The following KIF1A variants were observed in gnomAD, a reference collection of about 807,000 sequenced individuals.
KIF1A encodes the protein kinesin-like protein KIF1A.
A neutral mutation model predicts 227.3 loss-of-function variants in KIF1A; 46 were observed. That is an observed-to-expected ratio of 0.20 (90% CI 0.16 to 0.26). KIF1A has a LOEUF of 0.26. KIF1A is among the 10% of genes least tolerant of loss of function. The pLI is 1.00. For missense variants in KIF1A, 1,683 were observed against 2,485.9 expected, an observed-to-expected ratio of 0.68 and a Z score of 6.87; for synonymous variants, 1,022 against 1,012.8, an observed-to-expected ratio of 1.01 and a Z score of -0.17.
Position 240,740,463 on chromosome 2 carries a change from C to T in KIF1A, c.3750-99G>A. On this transcript the variant is annotated intron_variant, in intron 35 of 48. Coordinates refer to ENST00000498729, the MANE Select transcript of KIF1A (RefSeq NM_001244008.2). The surrounding 1 kb of genome is among the most constrained non-coding windows in gnomAD (Gnocchi z 6.1). ...GACGGGAGCAAAAACAGGGAAAAGT[C>T]AGCAGCTCCCTCTGGTGAAGATCAG... is the stretch of plus-strand genomic sequence containing the variant. 4.2e-6 allele frequency: 4 copies of T among 952,148 alleles called. No individual in the cohort carries two copies. In the South Asian group the frequency reaches 5.7e-5, roughly 14 times the overall value. The allele number at this position is 952,148 out of a possible 1,614,324, so 59.0% of individuals were successfully genotyped here.
At chr2:240,779,132 TCAGTTCCTCACAGTTCCACA>T (rs2053194304) in intron 10 of KIF1A, among the ~76,000 whole-genome samples, 1 of 142,560 alleles carries the variant, frequency 7.0e-6, no homozygotes, top group African/African-American at 2.8e-5. Context: ...AGTTCCACAC[TCAGTTCCTCACAGTTCCACA>T]CAGTTCCACA....
intron 46 of KIF1A, among the ~76,000 whole-genome samples, chr2:240,719,529 G>A (rs2045014834): frequency 6.6e-6 from 1 of 152,224 alleles, no homozygotes; most frequent in Non-Finnish European, 1.5e-5. Context: ...ACTCCCCTGT[G>A]CTCTGTGCTG....
At position 240,726,791 on chromosome 2, in the gene KIF1A, G is replaced by A. The variant is rs759997135; in HGVS notation, c.4122+35C>T. ...GAACCTCAAGCTTCAGGGGCTGAGT[G>A]GTTTTGGTGGAGTGCCCTGGCATAG... On this transcript the variant is annotated intron_variant, in intron 39 of 48. Coordinates refer to ENST00000498729, the MANE Select transcript of KIF1A (RefSeq NM_001244008.2). The surrounding 1 kb of genome is among the most constrained non-coding windows in gnomAD (Gnocchi z 5.2). 9 of 1,300,154 alleles carry A rather than the reference G, an allele frequency of 6.9e-6. No homozygotes were observed. In the East Asian group the frequency reaches 2.1e-4, roughly 31 times the overall value. The allele number at this position is 1,300,154 out of a possible 1,614,324, so 80.5% of individuals were successfully genotyped here.
chr2:240,721,997 A>G, intron 43 of KIF1A, 113 bp from the exon 44 acceptor site: 1 of 813,664 alleles, frequency 1.2e-6, no homozygotes, highest in East Asian at 2.7e-5. Context: ...TTCCGACGCC[A>G]GAGCACAGTG....
chr2:240,781,776 A>G (rs1019497951), intron 10 of KIF1A: 1 of 984,938 alleles, frequency 1.0e-6, no homozygotes, highest in Non-Finnish European at 1.2e-6. Context: ...AGGGGCCCTC[A>G]GCTTCCTCGC....
At chr2:240,785,423 G>A (rs942812453) in intron 6 of KIF1A, among the ~76,000 whole-genome samples, 1 of 152,246 alleles carries the variant, frequency 6.6e-6, no homozygotes, top group African/African-American at 2.4e-5. Flanking sequence ...GCCATGATAT[G>A]GGAGGGGAAG....
intron 1 of KIF1A, among the ~76,000 whole-genome samples, chr2:240,809,833 C>T (rs2057720962): frequency 6.6e-6 from 1 of 151,328 alleles, no homozygotes; most frequent in Admixed American, 6.6e-5. Context: ...ACATGTATAC[C>T]TTTGTAACAA....
Position 240,797,023 on chromosome 2 carries a change from T to G in KIF1A, c.106+624A>C, listed in dbSNP as rs2056477486. ...ACCAGGTGGCTGTTCATGTCACCACTCAGTGCAGCTGACACCACTTGATCC... is the reference window on the plus strand; with the variant it reads ...ACCAGGTGGCTGTTCATGTCACCACGCAGTGCAGCTGACACCACTTGATCC... On this transcript the variant is annotated intron_variant, in intron 2 of 48. Coordinates refer to ENST00000498729, the MANE Select transcript of KIF1A (RefSeq NM_001244008.2). 2.0e-5 allele frequency among the ~76,000 whole-genome samples: 3 copies of G among 152,186 alleles called. No homozygotes were observed. In the South Asian group the frequency reaches 6.2e-4, roughly 32 times the overall value.
intron 10 of KIF1A, among the ~76,000 whole-genome samples, chr2:240,777,280 G>C (rs182861072): frequency 6.6e-6 from 1 of 152,168 alleles, no homozygotes; most frequent in Non-Finnish European, 1.5e-5. Flanking sequence ...TCTTGACCTC[G>C]TGATCCACCC....
At chr2:240,722,290 G>A (rs1223136320) in intron 43 of KIF1A, among the ~76,000 whole-genome samples, 166 bp downstream of exon 43, 5 of 152,194 alleles carry the variant, frequency 3.3e-5, no homozygotes, top group Non-Finnish European at 2.9e-5. Context: ...CAGGTGGGGT[G>A]CAGTCAGTGG....
chr2:240,797,788 G>A lies in KIF1A; in HGVS notation c.-36C>T. 7.3e-7 allele frequency: 1 copy of A among 1,376,102 alleles called. No individual in the cohort carries two copies. The highest frequency in any genetic ancestry group is 1.0e-6 in the Non-Finnish European group (1 of 977,196). 85.2% of individuals were successfully genotyped at this position (1,376,102 alleles called of 1,614,324 possible). ...TTCGTGGGTCACTCCTCGCAGTAGT[G>A]GGAGCCCCAGTGTGGGGGGAACACC... On this transcript the variant is annotated 5_prime_UTR_variant, in exon 2 of 49. Transcript: ENST00000498729.
intron 28 of KIF1A, among the ~76,000 whole-genome samples, chr2:240,748,398 C>T (rs953289625): frequency 1.6e-4 from 24 of 152,180 alleles, no homozygotes; most frequent in African/African-American, 5.3e-4. Flanking sequence ...CAGACCAGGA[C>T]GGCAGCTGCC....
intron 1 of KIF1A, among the ~76,000 whole-genome samples, chr2:240,813,313 C>T (rs921820115): frequency 2.6e-5 from 4 of 152,238 alleles, no homozygotes; most frequent in Non-Finnish European, 4.4e-5. Flanking sequence ...CCACACAGCC[C>T]CCAACTGCAA....
chr2:240,727,008 T>G, intron 38 of KIF1A, 68 bp from the exon 39 acceptor site: 1 of 913,314 alleles, frequency 1.1e-6, no homozygotes, highest in South Asian at 1.6e-5. Context: ...GCCGGGGACA[T>G]GCAGACAGAC....
chr2:240,751,601 C>T (rs1575573146), intron 27 of KIF1A, among the ~76,000 whole-genome samples: 1 of 152,138 alleles, frequency 6.6e-6, no homozygotes, highest in African/African-American at 2.4e-5. Context: ...CTTCAAGAAG[C>T]CCCCCTCAAC....
At chr2:240,759,341 C>G (rs1050488070) in intron 25 of KIF1A, among the ~76,000 whole-genome samples, 1 of 152,102 alleles carries the variant, frequency 6.6e-6, no homozygotes, top group Admixed American at 6.5e-5. Flanking sequence ...CCTACACAAA[C>G]CAACCAATCC....
In KIF1A at chr2:240,722,491, C is replaced by T. The variant is rs1477881675; in HGVS notation, c.4630G>A (p.Ala1544Thr). 4 of 1,547,602 alleles carry T rather than the reference C, an allele frequency of 2.6e-6. No individual in the cohort carries two copies. The South Asian group carries it at 3.6e-5, about 14-fold the overall frequency. The change falls in exon 43 of 49, where the codon GCT (alanine) becomes ACT (threonine). Residue 1544 changes from alanine to threonine, a missense_variant. Coordinates refer to ENST00000498729, the MANE Select transcript of KIF1A (RefSeq NM_001244008.2). ...SAEGRPSPLE[A>T]PNERQRELAV... ...AGCTCCCGCTGCCTCTCGTTGGGAG[C>T]CTCCAGGGGTGATGGGCGGCCCTCA...
chr2:240,719,651 G>C lies in KIF1A; in HGVS notation c.5021+123C>G, dbSNP rs2045041083. On this transcript the variant is annotated intron_variant, in intron 46 of 48. Coordinates refer to ENST00000498729, the MANE Select transcript of KIF1A (RefSeq NM_001244008.2). ...CCTGAACCTCCAGTATGGGCATCAG[G>C]CAACCTGTCTGTCTCCCCAAGTATG... The C allele has an allele frequency of 5.1e-6, 6 of 1,179,728 alleles. No individual in the cohort carries two copies. In the African/African-American group the frequency reaches 9.5e-5, roughly 19 times the overall value. 73.1% of individuals were successfully genotyped at this position (1,179,728 alleles called of 1,614,324 possible).
chr2:240,745,747 CAGA>C lies in KIF1A; in HGVS notation c.3362_3364del (p.Phe1121del). 6.2e-7 allele frequency: 1 copy of C among 1,611,962 alleles called. No homozygotes were observed. The highest frequency in any genetic ancestry group is 2.2e-5 in the East Asian group (1 of 44,798). Reference sequence around the variant, plus strand: ...GGCAGCAGGGCCTCACTTGAACTGGCAGAAGATGTCGGCATATTCGGCAGAGAT... The same window carrying C: ...GGCAGCAGGGCCTCACTTGAACTGGCAGATGTCGGCATATTCGGCAGAGAT... On this transcript the variant is annotated inframe_deletion, in exon 31 of 49. Coordinates refer to ENST00000498729, the MANE Select transcript of KIF1A (RefSeq NM_001244008.2).
Sources: allele counts gnomAD v4.1 joint callset (sites outside exome capture counted in the v4.1 genomes callset), GRCh38; gene constraint gnomAD v4.1.1; non-coding constraint Gnocchi (gnomAD v3.1); transcripts MANE v1.5; gene names NCBI Gene and HGNC (gene_info 2026-07-23, HGNC 2026-07-21).